Variants in PRKACB observed in about 807,000 individuals in gnomAD.
The protein encoded by PRKACB is protein kinase cAMP-activated catalytic subunit beta, also known as cAMP-dependent protein kinase catalytic subunit beta.
In PRKACB, 16 loss-of-function variants were observed where a neutral mutation model predicts 51.4. The ratio of observed to expected loss-of-function variants is 0.31; its 90% confidence interval spans 0.21 to 0.47. PRKACB has a LOEUF of 0.47. Among genes scored for constraint, PRKACB ranks in the 20% least tolerant of loss-of-function variants. The probability of loss-of-function intolerance (pLI) is 1.00; values close to 1 mark genes in which losing one functional copy is unlikely to be tolerated. For missense variants in PRKACB, 309 were observed against 464.5 expected (o/e 0.67, Z 3.08); for synonymous variants, 147 against 154.4 (o/e 0.95, Z 0.35).
intron 9 of PRKACB, among the ~76,000 whole-genome samples, chr1:84,216,068 T>C (rs1672839552): frequency 6.6e-6 from 1 of 152,172 alleles, no homozygotes; most frequent in African/African-American, 2.4e-5. Context: ...GTGCCCTGGC[T>C]CACACCTGAA....
At chr1:84,200,360 T>G (rs968967870) in intron 7 of PRKACB, among the ~76,000 whole-genome samples, 1 of 152,210 alleles carries the variant, frequency 6.6e-6, no homozygotes, top group Non-Finnish European at 1.5e-5. Flanking sequence ...TTTGTTTAAG[T>G]TCCTCATAGA....
chr1:84,138,935 AT>A (rs1653111060), intron 1 of PRKACB, among the ~76,000 whole-genome samples: 1 of 152,154 alleles, frequency 6.6e-6, no homozygotes, highest in Admixed American at 6.5e-5. Context: ...TAAAAACCAC[AT>A]GATTTTATCA....
At chr1:84,171,894 G>A (rs1659619263) in intron 1 of PRKACB, among the ~76,000 whole-genome samples, 1 of 151,464 alleles carries the variant, frequency 6.6e-6, no homozygotes, top group South Asian at 2.1e-4. Context: ...AACAAAAAAG[G>A]TAATTTTTAA....
chr1:84,149,180 C>T (rs560548993), intron 1 of PRKACB, among the ~76,000 whole-genome samples: 7 of 152,066 alleles, frequency 4.6e-5, no homozygotes, highest in African/African-American at 7.2e-5. Context: ...AAAAAGTATA[C>T]ATAATTCTGC....
In PRKACB at chr1:84,102,340, T is replaced by C. The variant is rs368607525; in HGVS notation, c.46+23969T>C. 4.1e-3 allele frequency among the ~76,000 whole-genome samples: 626 copies of C among 152,176 alleles called. 4 individuals are homozygous for C. The highest frequency in any genetic ancestry group is 0.014 in the African/African-American group (563 of 41,510). On this transcript the variant is annotated intron_variant, in intron 1 of 8. Coordinates refer to the PRKACB transcript ENST00000370688. ...AGGCGGAGGTTGTAGTCAACCGAGA[T>C]TGCGCCACTGCACTCCAGCCTAGGC...
At chr1:84,186,497 G>A (rs1665155767) in intron 5 of PRKACB, among the ~76,000 whole-genome samples, 1 of 152,100 alleles carries the variant, frequency 6.6e-6, no homozygotes, top group Non-Finnish European at 1.5e-5. Context: ...GGGATTACAG[G>A]TGTGAGCTAC....
chr1:84,131,226 G>C (rs377001843), intron 1 of PRKACB, among the ~76,000 whole-genome samples: 1 of 151,880 alleles, frequency 6.6e-6, no homozygotes, highest in Admixed American at 6.6e-5. Flanking sequence ...TCGTGGTGGC[G>C]CGTGCCTGAA....
chr1:84,207,941 C>T (rs992564039), intron 8 of PRKACB, among the ~76,000 whole-genome samples: 1 of 152,072 alleles, frequency 6.6e-6, no homozygotes, highest in African/African-American at 2.4e-5. Flanking sequence ...AATCTTGGCC[C>T]GCTGCAGCCT....
chr1:84,094,849 A>G lies in PRKACB; in HGVS notation c.46+16478A>G, dbSNP rs115478530. On this transcript the variant is annotated intron_variant, in intron 1 of 8. Coordinates refer to the PRKACB transcript ENST00000370688. ...AATATTATTTTTACTAATTGCAGTC[A>G]TGTGGTATGTAACAACATTTCAGTC... is the stretch of plus-strand genomic sequence containing the variant. Among the ~76,000 whole-genome samples, 1,165 of 152,104 alleles carry G rather than the reference A, an allele frequency of 7.7e-3. 15 individuals carry two copies. Among genetic ancestry groups the G allele is most frequent in the African/African-American group, 0.026 (1,094 of 41,538 alleles).
intron 1 of PRKACB, among the ~76,000 whole-genome samples, chr1:84,153,084 A>C (rs1298017321): frequency 6.6e-6 from 1 of 152,054 alleles, no homozygotes; most frequent in Non-Finnish European, 1.5e-5. Flanking sequence ...CTTAGGGAAT[A>C]GGAAGGCCCA....
In PRKACB at chr1:84,087,527, A is replaced by G. The variant is rs184141592; in HGVS notation, c.46+9156A>G. Among the ~76,000 whole-genome samples the G allele has an allele frequency of 1.8e-3, 275 of 152,334 alleles. 1 individual carries two copies. Among genetic ancestry groups the G allele is most frequent in the African/African-American group, 6.5e-3 (269 of 41,574 alleles). On this transcript the variant is annotated intron_variant, in intron 1 of 8. Coordinates refer to the PRKACB transcript ENST00000370688. ...AGTATTTTTAGCAATTTCAAAAGCT[A>G]GATAATGCTTTTTTACTCTTTAAAA...
At chr1:84,196,531 TTCA>T in intron 5 of PRKACB, 82 bp from the exon 6 acceptor site, 1 of 1,362,542 alleles carries the variant, frequency 7.3e-7, no homozygotes, top group Non-Finnish European at 9.9e-7. Context: ...GTACCTCTAC[TTCA>T]TATTAGTTTT....
Position 84,210,913 on chromosome 1 carries a change from C to A in PRKACB, c.907-3240C>A, listed in dbSNP as rs149527422. On this transcript the variant is annotated intron_variant, in intron 8 of 9. Coordinates refer to ENST00000370685, the MANE Select transcript of PRKACB (RefSeq NM_182948.4). ...TTCAGAATAATCATGGGAAAAAATA[C>A]TTTCACAATGACTTTCATTATTTCT... Among the ~76,000 whole-genome samples, 437 of 152,204 alleles carry A rather than the reference C, an allele frequency of 2.9e-3. 2 individuals carry two copies. Among genetic ancestry groups the A allele is most frequent in the African/African-American group, 0.01 (421 of 41,540 alleles).
rs563607278 is a variant in PRKACB, at chr1:84,091,563, G to A, written c.46+13192G>A. Among the ~76,000 whole-genome samples the A allele has an allele frequency of 7.2e-5, 11 of 152,172 alleles. No individual in the cohort carries two copies. In the South Asian group the frequency reaches 2.3e-3, roughly 32 times the overall value. The stretch of plus-strand genomic sequence containing the variant: ...GTGTTGCCCAGGCTGGAGTGCAGTG[G>A]TGTGATCATGAGTCCCTGCAACTGC... On this transcript the variant is annotated intron_variant, in intron 1 of 8. Transcript: ENST00000370688.
chr1:84,166,187 G>A (rs902601766), intron 1 of PRKACB, among the ~76,000 whole-genome samples: 3 of 151,628 alleles, frequency 2.0e-5, no homozygotes, highest in Non-Finnish European at 3.0e-5. Flanking sequence ...TCCTGTTACT[G>A]AAATAGATCT....
At chr1:84,082,379 C>G (rs1647608071) in intron 1 of PRKACB, among the ~76,000 whole-genome samples, 2 of 151,980 alleles carry the variant, frequency 1.3e-5, no homozygotes, top group Admixed American at 1.3e-4. Flanking sequence ...TTATTTTTTT[C>G]TTGTACCATT....
chr1:84,225,549 T>G (rs1674446588), intron 9 of PRKACB, among the ~76,000 whole-genome samples: 1 of 152,138 alleles, frequency 6.6e-6, no homozygotes, highest in African/African-American at 2.4e-5. Context: ...TCCAGGTGTA[T>G]AGAGATGCAT....
chr1:84,172,111 G>A (rs1659703219), intron 1 of PRKACB, among the ~76,000 whole-genome samples: 1 of 151,512 alleles, frequency 6.6e-6, no homozygotes, highest in Non-Finnish European at 1.5e-5. Flanking sequence ...TGAGGATATA[G>A]AGCATCAAGG....
chr1:84,159,804 AT>A (rs1655963069), intron 1 of PRKACB, among the ~76,000 whole-genome samples: 2 of 151,780 alleles, frequency 1.3e-5, no homozygotes, highest in African/African-American at 4.8e-5. Context: ...TGGCTGTTGG[AT>A]TTTGTGGAGT....
Sources: allele counts gnomAD v4.1 joint callset (sites outside exome capture counted in the v4.1 genomes callset), GRCh38; gene constraint gnomAD v4.1.1; transcripts MANE v1.5; gene names NCBI Gene and HGNC (gene_info 2026-07-23, HGNC 2026-07-21).